ARMC8: variants seen among roughly 807,000 people sequenced by gnomAD.
ARMC8 encodes armadillo repeat containing 8, also known as armadillo repeat-containing protein 8.
A neutral mutation model predicts 99.3 loss-of-function variants in ARMC8; 20 were observed. The ratio of observed to expected loss-of-function variants is 0.20; its 90% CI spans 0.14 to 0.29. ARMC8 has a LOEUF of 0.29. ARMC8 is among the 10% of genes least tolerant of loss of function. ARMC8 has a pLI of 1.00. For synonymous variants in ARMC8, 263 were observed against 278.3 expected (o/e 0.95, Z 0.55); for missense variants, 569 against 809.5 (o/e 0.70, Z 3.60).
intron 18 of ARMC8, 39 bp downstream of exon 18, chr3:138,274,583 G>A: frequency 9.4e-6 from 14 of 1,485,800 alleles, no homozygotes; most frequent in Non-Finnish European, 1.3e-5. Context: ...TTTTCTGAAT[G>A]TGAGCACAAA....
At chr3:138,229,056 G>T in intron 6 of ARMC8, 46 bp downstream of exon 6, 2 of 1,400,228 alleles carry the variant, frequency 1.4e-6, no homozygotes, top group Non-Finnish European at 2.0e-6. Flanking sequence ...ATCTTATTAT[G>T]CCTTTAAGAG....
chr3:138,252,764 C>A (rs1241564843), intron 12 of ARMC8, among the ~76,000 whole-genome samples: 1 of 64,668 alleles, frequency 1.5e-5, no homozygotes, highest in East Asian at 6.4e-4. Flanking sequence ...CCCCCCCCCA[C>A]CCGGCCTAAA....
rs146099830 is a variant in ARMC8 at position 138,274,196 on chromosome 3, T to C, written c.1630-253T>C. Among the ~76,000 whole-genome samples, 19 of 151,936 alleles carry C rather than the reference T, an allele frequency of 1.3e-4. No homozygotes were observed. The East Asian group carries it at 3.7e-3, about 29-fold the overall frequency. On this transcript the variant is annotated intron_variant, in intron 17 of 21. Transcript: ENST00000469044. The stretch of plus-strand genomic sequence containing the variant: ...GCTTTCATATTCTGTCAGGTCAACT[T>C]TATGTATGTATGTATGTATGTGTAA...
intron 2 of ARMC8, among the ~76,000 whole-genome samples, chr3:138,210,780 T>C (rs1461997097): frequency 6.6e-6 from 1 of 152,294 alleles, no homozygotes; most frequent in East Asian, 1.9e-4. Context: ...TTTATACAAG[T>C]TTCTTCGGAC....
At chr3:138,263,345 A>G (rs2047938465) in intron 12 of ARMC8, among the ~76,000 whole-genome samples, 1 of 152,202 alleles carries the variant, frequency 6.6e-6, no homozygotes, top group South Asian at 2.1e-4. Flanking sequence ...TCATTTTGTG[A>G]GGGCTGAGCA....
chr3:138,295,235 T>C (rs963295152), intron 21 of ARMC8, among the ~76,000 whole-genome samples: 1 of 152,118 alleles, frequency 6.6e-6, no homozygotes, highest in Non-Finnish European at 1.5e-5. Flanking sequence ...GGCCACCTTC[T>C]TCCCCCATCA....
intron 12 of ARMC8, chr3:138,246,670 T>C: frequency 1.0e-6 from 1 of 985,602 alleles, no homozygotes; most frequent in Non-Finnish European, 1.2e-6. Flanking sequence ...AAATAGGATG[T>C]CCATTTGTAC....
intron 16 of ARMC8, among the ~76,000 whole-genome samples, chr3:138,270,672 C>T (rs971499393): frequency 6.6e-6 from 1 of 152,002 alleles, no homozygotes; most frequent in Non-Finnish European, 1.5e-5. Flanking sequence ...ATGTGTATTA[C>T]CTCACATATT....
intron 21 of ARMC8, among the ~76,000 whole-genome samples, chr3:138,292,237 A>G (rs1358926483): frequency 6.6e-6 from 1 of 151,984 alleles, no homozygotes; most frequent in Admixed American, 6.6e-5. Flanking sequence ...ACAGGGTTTT[A>G]CCATGTTGGC....
At chr3:138,274,326 C>T (rs900828372) in intron 17 of ARMC8, 123 bp from the exon 18 acceptor site, 1 of 641,516 alleles carries the variant, frequency 1.6e-6, no homozygotes, top group African/African-American at 1.8e-5. Context: ...GCATCTAGTT[C>T]TATATGCTAT....
In ARMC8 at chr3:138,297,503, TC is replaced by T. The variant is rs914763881; in HGVS notation, c.*1612del. The T allele has an allele frequency of 8.5e-4, 130 of 152,340 alleles. 2 individuals are homozygous for T. The highest frequency in any genetic ancestry group is 3.0e-3 in the African/African-American group (126 of 41,572). 9.4% of individuals were successfully genotyped at this position (152,340 alleles called of 1,614,324 possible). A position where few individuals can be genotyped will look rare whatever the true frequency, so the allele number is the denominator to read the frequency against. ...CACCAGCCACTCCTGATGGGGTTGCTCACACTGCAGCTGCCCTATCACCACC... is the reference window on the plus strand; with the variant it reads ...CACCAGCCACTCCTGATGGGGTTGCTACACTGCAGCTGCCCTATCACCACC... On this transcript the variant is annotated 3_prime_UTR_variant, in exon 22 of 22. Transcript: ENST00000469044.
intron 19 of ARMC8, among the ~76,000 whole-genome samples, chr3:138,288,483 A>G (rs2050632886): frequency 6.6e-6 from 1 of 152,092 alleles, no homozygotes; most frequent in African/African-American, 2.4e-5. Context: ...TGGTTTTTTA[A>G]ATTTGAATTT....
At position 138,237,468 on chromosome 3, in the gene ARMC8, T is replaced by G; in HGVS notation, c.686-14T>G. On this transcript the variant is annotated splice_polypyrimidine_tract_variant and intron_variant, in intron 8 of 21. Transcript: ENST00000469044. ...AAGAATTTCCTTAATCATTGTTGTTTGTTTTATTTCTAGTTTTGGTTGATG... is the reference window on the plus strand; with the variant it reads ...AAGAATTTCCTTAATCATTGTTGTTGGTTTTATTTCTAGTTTTGGTTGATG... 1 of 1,613,082 alleles carries G rather than the reference T, an allele frequency of 6.2e-7. No individual in the cohort carries two copies. The highest frequency in any genetic ancestry group is 8.5e-7 in the Non-Finnish European group (1 of 1,179,224).
intron 1 of ARMC8, chr3:138,187,834 A>T: frequency 3.6e-6 from 2 of 560,542 alleles, no homozygotes; most frequent in East Asian, 3.0e-5. Flanking sequence ...GGTTCCCAGG[A>T]TGGCGTCTGG....
chr3:138,241,883 A>G lies in ARMC8; in HGVS notation c.938A>G (p.Glu313Gly). ...TLAYLIEPDVELQRIASITDH... is the reference protein window; with the variant it reads ...TLAYLIEPDVGLQRIASITDH... ...GCCTATCTGATTGAACCAGATGTTG[A>G]GCTACAGAGAATCGCTAGCATAACT... The change falls in exon 11 of 22, where the codon GAG becomes GGG. Residue 313 changes from glutamate to glycine, a missense_variant. Glu to Gly is a moderately conservative substitution (Grantham distance 98). This residue lies in a region of ARMC8 where 342 missense variants were observed against 391.6 expected (regional missense o/e 0.87). Coordinates refer to ENST00000469044, the MANE Select transcript of ARMC8 (RefSeq NM_001363941.2). The G allele has an allele frequency of 6.2e-7, 1 of 1,614,066 alleles. No homozygotes were observed. The highest frequency in any genetic ancestry group is 8.5e-7 in the Non-Finnish European group (1 of 1,179,966).
chr3:138,223,697 C>T lies in ARMC8; in HGVS notation c.399C>T (p.Phe133=), dbSNP rs762146793. The T allele has an allele frequency of 1.2e-6, 2 of 1,614,190 alleles. No individual in the cohort carries two copies. The highest frequency in any genetic ancestry group is 8.5e-7 in the Non-Finnish European group (1 of 1,180,006). Residue 133 remains phenylalanine, a synonymous_variant, in exon 5 of 22, where the codon TTC becomes TTT. Transcript: ENST00000469044. ...GCCTCCGATGCCTGCGTACCATCTT[C>T]ACCAGTCCTGTCACTCCAGAGGAGC... ...EACLRCLRTI[F]TSPVTPEELL...
intron 16 of ARMC8, among the ~76,000 whole-genome samples, 186 bp downstream of exon 16, chr3:138,270,318 G>T (rs2108295040): frequency 1.3e-5 from 2 of 152,314 alleles, no homozygotes; most frequent in East Asian, 3.9e-4. Context: ...TTAACTGTAA[G>T]CAAGTTATGC....
Position 138,270,050 on chromosome 3 carries a change from A to C in ARMC8, c.1397A>C (p.Glu466Ala). 6.2e-7 allele frequency: 1 copy of C among 1,612,708 alleles called. No individual in the cohort carries two copies. The highest frequency in any genetic ancestry group is 8.5e-7 in the Non-Finnish European group (1 of 1,179,234). The part of the protein sequence containing the change: ...EFSPSKEPIL[E>A]SGAVELLCGL... The stretch of plus-strand genomic sequence containing the variant: ...CCTGTCCAATGGCAGCCAATTTTGG[A>C]ATCAGGAGCCGTAGAGCTACTTTGT... The change falls in exon 16 of 22, where the codon GAA (glutamate) becomes GCA (alanine). Residue 466 changes from glutamate (E) to alanine (A), a missense_variant. Glu to Ala is a moderately radical substitution (Grantham distance 107). Transcript: ENST00000469044.
At chr3:138,265,663 G>A (rs2048207331) in intron 14 of ARMC8, among the ~76,000 whole-genome samples, 1 of 152,212 alleles carries the variant, frequency 6.6e-6, no homozygotes, top group Non-Finnish European at 1.5e-5. Flanking sequence ...AGAATAGCAT[G>A]AGGAGAAACA....
Sources: allele counts gnomAD v4.1 joint callset (sites outside exome capture counted in the v4.1 genomes callset), GRCh38; gene constraint gnomAD v4.1.1; regional missense constraint gnomAD v4.1.1; transcripts MANE v1.5; gene names NCBI Gene and HGNC (gene_info 2026-07-23, HGNC 2026-07-21).